RABGAP1L: variants seen among roughly 807,000 people sequenced by gnomAD.
The protein encoded by RABGAP1L is RAB GTPase activating protein 1 like.
RABGAP1L carries 63 observed loss-of-function variants against 137.7 expected under a neutral mutation model. The ratio of observed to expected loss-of-function variants is 0.46; its 90% confidence interval spans 0.37 to 0.56. RABGAP1L has a LOEUF of 0.56. Ranked by LOEUF, RABGAP1L falls within the 20% of genes least tolerant of loss-of-function variation. The pLI, the probability that RABGAP1L is intolerant of heterozygous loss-of-function variation, is 0.00. For synonymous variants in RABGAP1L, 431 were observed against 433.7 expected (o/e 0.99, Z 0.08); for missense variants, 1,095 against 1,244.0 (o/e 0.88, Z 1.80).
intron 19 of RABGAP1L, among the ~76,000 whole-genome samples, chr1:174,883,462 T>A (rs186784095): frequency 6.6e-6 from 1 of 152,286 alleles, no homozygotes; most frequent in African/African-American, 2.4e-5. Flanking sequence ...CTAGTTGGGT[T>A]ACCCTGGAGA....
intron 19 of RABGAP1L, among the ~76,000 whole-genome samples, chr1:174,899,619 C>A (rs563858173): frequency 6.6e-6 from 1 of 152,140 alleles, no homozygotes; most frequent in Non-Finnish European, 1.5e-5. Context: ...AACAGAGTAT[C>A]CTCATCCATC....
chr1:174,440,950 A>G (rs1190642625), intron 13 of RABGAP1L, among the ~76,000 whole-genome samples: 1 of 152,106 alleles, frequency 6.6e-6, no homozygotes, highest in Non-Finnish European at 1.5e-5. Flanking sequence ...ATTGATGGCT[A>G]ATGGTCCTTT....
intron 11 of RABGAP1L, among the ~76,000 whole-genome samples, chr1:174,366,848 G>A (rs996891831): frequency 6.7e-6 from 1 of 148,942 alleles, no homozygotes; most frequent in Non-Finnish European, 1.5e-5. Context: ...ATTTTCTTCT[G>A]CTCAAGGAAC....
intron 18 of RABGAP1L, among the ~76,000 whole-genome samples, chr1:174,787,769 GAGAATAGTTAGGATACTATT>G: frequency 6.6e-6 from 1 of 152,174 alleles, no homozygotes. Context: ...AATACATATG[GAGAATAGTTAGGATACTATT>G]AGAATAGTCT....
intron 13 of RABGAP1L, among the ~76,000 whole-genome samples, chr1:174,568,150 C>T (rs1389462750): frequency 6.6e-6 from 1 of 152,014 alleles, no homozygotes; most frequent in Non-Finnish European, 1.5e-5. Context: ...GCCAGCGCAT[C>T]ACATGATGAA....
intron 13 of RABGAP1L, among the ~76,000 whole-genome samples, chr1:174,583,351 A>G (rs764011444): frequency 2.6e-5 from 4 of 152,118 alleles, no homozygotes; most frequent in South Asian, 2.1e-4. Flanking sequence ...GCCCATCTGC[A>G]TCTCCTAGGA....
intron 1 of RABGAP1L, among the ~76,000 whole-genome samples, chr1:174,205,331 C>G (rs1668429671): frequency 6.6e-6 from 1 of 152,108 alleles, no homozygotes; most frequent in Non-Finnish European, 1.5e-5. Context: ...CCCTCCTCCT[C>G]AGTTTTTTGG....
chr1:174,386,512 CTT>C (rs562687774), intron 12 of RABGAP1L, among the ~76,000 whole-genome samples: 1 of 142,686 alleles, frequency 7.0e-6, no homozygotes, highest in Non-Finnish European at 1.5e-5. Context: ...TTTGTGTTTT[CTT>C]TTTTTTTTTT....
chr1:174,622,147 C>G (rs1290840383), intron 13 of RABGAP1L, among the ~76,000 whole-genome samples: 1 of 152,136 alleles, frequency 6.6e-6, no homozygotes, highest in African/African-American at 2.4e-5. Context: ...ATCAAAACCA[C>G]AATGAGATAC....
Position 174,343,072 on chromosome 1 carries a change from C to A in RABGAP1L, c.1466-27907C>A, listed in dbSNP as rs75832351. On this transcript the variant is annotated intron_variant, in intron 11 of 25. Coordinates refer to ENST00000681986, the MANE Select transcript of RABGAP1L (RefSeq NM_001366446.1). ...TTTTTAACAGTTTATGTATTGTTTT[C>A]CAAGAGGAATATTCTTTATATCCTG... 8.9e-3 allele frequency among the ~76,000 whole-genome samples: 1,360 copies of A among 152,200 alleles called. 21 individuals are homozygous for A. The highest frequency in any genetic ancestry group is 0.031 in the African/African-American group (1,306 of 41,524).
chr1:174,818,257 A>G (rs1221616987), intron 19 of RABGAP1L, among the ~76,000 whole-genome samples: 2 of 152,214 alleles, frequency 1.3e-5, no homozygotes, highest in Non-Finnish European at 2.9e-5. Context: ...AGCTGGTGAG[A>G]CTAGAAGGCA....
intron 19 of RABGAP1L, among the ~76,000 whole-genome samples, chr1:174,886,190 T>G (rs1187248439): frequency 6.6e-6 from 1 of 151,830 alleles, no homozygotes. Context: ...TTTTGAAATT[T>G]TAGTAGAGAG....
intron 14 of RABGAP1L, among the ~76,000 whole-genome samples, chr1:174,674,030 T>C (rs1010580646): frequency 1.3e-5 from 2 of 152,084 alleles, no homozygotes; most frequent in African/African-American, 2.4e-5. Flanking sequence ...ACATGATTTG[T>C]AATAAAATAA....
chr1:174,387,202 T>C (rs1233326535), intron 12 of RABGAP1L, among the ~76,000 whole-genome samples: 1 of 152,166 alleles, frequency 6.6e-6, no homozygotes, highest in African/African-American at 2.4e-5. Context: ...TCTTGACCAC[T>C]TTTTTTCCTG....
intron 19 of RABGAP1L, among the ~76,000 whole-genome samples, chr1:174,843,552 T>C (rs1458283909): frequency 2.2e-5 from 3 of 137,092 alleles, no homozygotes; most frequent in Non-Finnish European, 3.1e-5. Context: ...ACAAAGGACA[T>C]GAACTCATCA....
At chr1:174,417,218 CA>C (rs1364789625) in intron 13 of RABGAP1L, among the ~76,000 whole-genome samples, 2 of 152,124 alleles carry the variant, frequency 1.3e-5, no homozygotes, top group Non-Finnish European at 2.9e-5. Context: ...TATTAATGGA[CA>C]CATAATACGT....
rs954520501 is a variant in RABGAP1L, at chr1:174,811,933, A to G, written c.2313A>G (p.Arg771=). The G allele has an allele frequency of 1.6e-5, 26 of 1,605,906 alleles. 1 individual carries two copies. In the Admixed American group the frequency reaches 3.7e-4, roughly 23 times the overall value. The change falls in exon 19 of 26, where the codon AGA becomes AGG. Residue 771 remains arginine, a synonymous_variant. Transcript: ENST00000681986. The part of the protein sequence containing the change: ...KRYRAEENAR[R]LMEQACNIKV... ...ACAGGGCAGAGGAAAATGCAAGAAG[A>G]CTGATGGAGCAGGCTTGCAATATTA...
intron 11 of RABGAP1L, among the ~76,000 whole-genome samples, chr1:174,350,963 G>A (rs1446015351): frequency 5.1e-5 from 4 of 77,868 alleles, no homozygotes; most frequent in East Asian, 5.4e-4. Flanking sequence ...GCCTGCAATC[G>A]CAGGCATTCG....
intron 14 of RABGAP1L, among the ~76,000 whole-genome samples, chr1:174,644,050 A>G (rs957497748): frequency 1.3e-5 from 2 of 151,970 alleles, no homozygotes; most frequent in East Asian, 3.9e-4. Context: ...TAGTCATACA[A>G]AAGGGTTATT....
Sources: allele counts gnomAD v4.1 joint callset (sites outside exome capture counted in the v4.1 genomes callset), GRCh38; gene constraint gnomAD v4.1.1; transcripts MANE v1.5; gene names NCBI Gene and HGNC (gene_info 2026-07-23, HGNC 2026-07-21).